HEG1: variants seen among roughly 807,000 people sequenced by gnomAD.
HEG1 encodes the protein heart development protein with EGF like domains 1.
In HEG1, 56 loss-of-function variants were observed where a neutral mutation model predicts 125.6. The ratio of observed to expected loss-of-function variants is 0.45; its 90% CI spans 0.36 to 0.56. HEG1 has a LOEUF of 0.56. HEG1 is among the 20% of genes least tolerant of loss of function. The pLI is 0.00. For missense variants in HEG1, 1,523 were observed against 1,670.0 expected (o/e 0.91, Z 1.53); for synonymous variants, 644 against 668.5 (o/e 0.96, Z 0.57).
chr3:124,995,444 G>C (rs1462356913), intron 12 of HEG1, among the ~76,000 whole-genome samples: 1 of 152,228 alleles, frequency 6.6e-6, no homozygotes, highest in Non-Finnish European at 1.5e-5. Flanking sequence ...CAAGCACGTT[G>C]TGTGTGCATG....
chr3:125,001,568 T>C (rs1013208428), intron 11 of HEG1, among the ~76,000 whole-genome samples: 8 of 151,986 alleles, frequency 5.3e-5, no homozygotes, highest in Non-Finnish European at 1.2e-4. Context: ...CCCCTCCCCC[T>C]CCCACATCAA....
intron 1 of HEG1, among the ~76,000 whole-genome samples, chr3:125,047,198 C>A (rs953344572): frequency 6.6e-6 from 1 of 152,242 alleles, no homozygotes; most frequent in African/African-American, 2.4e-5. Context: ...AGGCAGGGAG[C>A]TTGCCCACTG....
intron 14 of HEG1, among the ~76,000 whole-genome samples, chr3:124,983,010 G>A (rs978265665): frequency 6.6e-6 from 1 of 152,224 alleles, no homozygotes; most frequent in Admixed American, 6.5e-5. Flanking sequence ...AAAGAGTGGA[G>A]ATGAGCCATG....
At chr3:125,006,458 C>A (rs920178731) in intron 8 of HEG1, among the ~76,000 whole-genome samples, 1 of 152,166 alleles carries the variant, frequency 6.6e-6, no homozygotes, top group Non-Finnish European at 1.5e-5. Context: ...ACTCAAGACA[C>A]AGAAGTCCAT....
chr3:125,000,731 C>T (rs1001185184), intron 11 of HEG1, among the ~76,000 whole-genome samples: 4 of 152,108 alleles, frequency 2.6e-5, no homozygotes, highest in African/African-American at 9.7e-5. Context: ...GCTCTCTTGA[C>T]TGGAAGTTAT....
At chr3:125,041,803 G>A (rs1383215123) in intron 1 of HEG1, among the ~76,000 whole-genome samples, 3 of 152,298 alleles carry the variant, frequency 2.0e-5, no homozygotes, top group East Asian at 1.9e-4. Flanking sequence ...GCTACAACAT[G>A]GGTAAACCCT....
chr3:124,980,202 G>A (rs554994320), intron 14 of HEG1, among the ~76,000 whole-genome samples: 1 of 152,208 alleles, frequency 6.6e-6, no homozygotes, highest in South Asian at 2.1e-4. Flanking sequence ...GCTTCCCAAC[G>A]CATCCACCTG....
intron 4 of HEG1, among the ~76,000 whole-genome samples, chr3:125,020,399 C>A (rs1937317425): frequency 6.6e-6 from 1 of 152,158 alleles, no homozygotes; most frequent in Non-Finnish European, 1.5e-5. Context: ...GCACTCTAGC[C>A]TGGGTGACAG....
rs757965885 is a variant in HEG1 at position 125,020,970 on chromosome 3, G to A, written c.1074C>T (p.Gly358=). ...TGGCAATTCTGGAGTCCTTGGGGAA[G>A]CCTTCTGTCTTGCTCACAGGTCCCA... is the stretch of plus-strand genomic sequence containing the variant. ...VSLGPVSKTE[G]FPKDSRIATT... Residue 358 remains glycine (G), a synonymous_variant, in exon 4 of 17, where the codon GGC becomes GGT. Transcript: ENST00000311127. The A allele has an allele frequency of 1.2e-6, 2 of 1,613,972 alleles. No individual in the cohort carries two copies. Among genetic ancestry groups the A allele is most frequent in the South Asian group, 1.1e-5 (1 of 91,066 alleles).
chr3:124,969,764 C>G lies in HEG1; in HGVS notation c.*888G>C, dbSNP rs1281637251. On this transcript the variant is annotated 3_prime_UTR_variant, in exon 17 of 17. Transcript: ENST00000311127. ...TTCAGTTTGACATTTCTCCTCCATACGCAGCTGCCTCTGGCCTCCACAATG... is the reference window on the plus strand; with the variant it reads ...TTCAGTTTGACATTTCTCCTCCATAGGCAGCTGCCTCTGGCCTCCACAATG... 6.7e-6 allele frequency: 1 copy of G among 149,048 alleles called. No individual in the cohort carries two copies. Among genetic ancestry groups the G allele is most frequent in the Non-Finnish European group, 1.5e-5 (1 of 67,712 alleles). 9.2% of individuals were successfully genotyped at this position (149,048 alleles called of 1,614,324 possible). A position where few individuals can be genotyped will look rare whatever the true frequency, so the allele number is the denominator to read the frequency against.
rs112160216 is a variant in HEG1 at position 125,013,420 on chromosome 3, G to C, written c.2159C>G (p.Pro720Arg). ...AGATGTAGATGTCGTTAAGGATACT[G>C]GTAAAGGTGATGGTGAGGAAGACCA... The part of the protein sequence containing the change: ...TPWSSSPSPL[P>R]VSLTTSTSAP... The change falls in exon 6 of 17, where the codon CCA becomes CGA. Residue 720 changes from proline (P) to arginine (R), a missense_variant. Coordinates refer to ENST00000311127, the MANE Select transcript of HEG1 (RefSeq NM_020733.2). 101 of 1,613,930 alleles carry C rather than the reference G, an allele frequency of 6.3e-5. No individual in the cohort carries two copies. In the African/African-American group the frequency reaches 9.3e-4, roughly 15 times the overall value.
intron 1 of HEG1, among the ~76,000 whole-genome samples, chr3:125,047,804 C>T (rs1476867062): frequency 6.6e-6 from 1 of 152,220 alleles, no homozygotes; most frequent in Non-Finnish European, 1.5e-5. Flanking sequence ...TGTCTCTCTC[C>T]TGCCTCTTGC....
rs184946920 is a variant in HEG1, at chr3:124,979,233, T to G, written c.3734-1287A>C. ...TCCCAAAGTGCTGGGATTACAGGCT[T>G]GAGCCACCATGCCTGGCCTAAAAAT... On this transcript the variant is annotated intron_variant, in intron 14 of 16. Transcript: ENST00000311127. Among the ~76,000 whole-genome samples the G allele has an allele frequency of 2.9e-3, 439 of 152,272 alleles. 2 individuals carry two copies. Among genetic ancestry groups the G allele is most frequent in the Middle Eastern group, 0.01 (3 of 294 alleles).
chr3:124,979,785 C>A (rs1005358112), intron 14 of HEG1, among the ~76,000 whole-genome samples: 7 of 152,182 alleles, frequency 4.6e-5, no homozygotes, highest in Non-Finnish European at 1.0e-4. Flanking sequence ...AGGATGTAAA[C>A]AAGGATGAGG....
In HEG1 at chr3:125,029,464, T is replaced by C; in HGVS notation, c.341A>G (p.Glu114Gly). 2 of 1,596,492 alleles carry C rather than the reference T, an allele frequency of 1.3e-6. No homozygotes were observed. The highest frequency in any genetic ancestry group is 2.7e-5 in the African/African-American group (2 of 74,962). Residue 114 changes from glutamate (E) to glycine (G), a missense_variant, in exon 2 of 17, where the codon GAA becomes GGA. Glu to Gly is a moderately conservative substitution (Grantham distance 98). Coordinates refer to ENST00000311127, the MANE Select transcript of HEG1 (RefSeq NM_020733.2). The stretch of plus-strand genomic sequence containing the variant: ...TTCTACATGGGCCTCAGTGTTACTT[T>C]CTGGCCAATGTTTCCAGGCAGCATC... ...SADAAWKHWP[E>G]SNTEAHVENI...
intron 1 of HEG1, among the ~76,000 whole-genome samples, chr3:125,054,331 A>G (rs1937879518): frequency 6.6e-6 from 1 of 152,214 alleles, no homozygotes; most frequent in African/African-American, 2.4e-5. Context: ...TATGCCAGTG[A>G]TTTAAAAATT....
At chr3:125,032,713 A>G (rs1937512607) in intron 1 of HEG1, among the ~76,000 whole-genome samples, 1 of 152,222 alleles carries the variant, frequency 6.6e-6, no homozygotes, top group African/African-American at 2.4e-5. Flanking sequence ...ATTATTCTCC[A>G]AGGAAGACAG....
At chr3:125,000,038 TC>T (rs1202167255) in intron 11 of HEG1, among the ~76,000 whole-genome samples, 1 of 152,134 alleles carries the variant, frequency 6.6e-6, no homozygotes, top group African/African-American at 2.4e-5. Context: ...AGGCCACCTC[TC>T]TAGTACTCAG....
At chr3:124,996,106 T>A (rs1936918348) in intron 12 of HEG1, among the ~76,000 whole-genome samples, 1 of 151,886 alleles carries the variant, frequency 6.6e-6, no homozygotes, top group Non-Finnish European at 1.5e-5. Flanking sequence ...CTTTTTTTTT[T>A]TTGAGACAGA....
Sources: allele counts gnomAD v4.1 joint callset (sites outside exome capture counted in the v4.1 genomes callset), GRCh38; gene constraint gnomAD v4.1.1; transcripts MANE v1.5; gene names NCBI Gene and HGNC (gene_info 2026-07-23, HGNC 2026-07-21).